Variants in CASP5 observed in about 807,000 individuals in gnomAD.
CASP5 encodes caspase-5.
Under a neutral mutation model 45.2 loss-of-function variants are expected in CASP5, and 42 were observed. The observed-to-expected ratio is 0.93, with a 90% CI of 0.73 to 1.20. The LOEUF (loss-of-function observed/expected upper bound fraction) is 1.20. Ranked by LOEUF, CASP5 falls within the 50% of genes most tolerant of loss-of-function variation. The pLI is 0.00. For synonymous variants in CASP5, 209 were observed against 186.2 expected (o/e 1.12, Z -1.00); for missense variants, 512 against 532.2 (o/e 0.96, Z 0.37).
chr11:105,002,290 A>G lies in CASP5; in HGVS notation c.544-89T>C, dbSNP rs375213699. ...CACAATTTTGCTTTTTTAAGACCTC[A>G]TGCAGCTGCCACCTTCCCTAACCTC... On this transcript the variant is annotated intron_variant, in intron 4 of 9. Coordinates refer to ENST00000260315, the MANE Select transcript of CASP5 (RefSeq NM_004347.5). 40 of 1,054,312 alleles carry G rather than the reference A, an allele frequency of 3.8e-5. No individual in the cohort carries two copies. In the East Asian group the frequency reaches 9.3e-4, roughly 24 times the overall value. The allele number at this position is 1,054,312 out of a possible 1,614,324, so 65.3% of individuals were successfully genotyped here.
chr11:105,003,245 T>G, intron 4 of CASP5, 29 bp downstream of exon 4: 1 of 1,279,292 alleles, frequency 7.8e-7, no homozygotes, highest in Non-Finnish European at 1.1e-6. Flanking sequence ...TTCTCTCTTC[T>G]TCCCCATTTC....
intron 1 of CASP5, 138 bp from the exon 2 acceptor site, chr11:105,009,118 T>A: frequency 1.4e-6 from 1 of 726,614 alleles, no homozygotes; most frequent in Non-Finnish European, 2.2e-6. Context: ...ATACTCATTA[T>A]TTCTTTGTAC....
chr11:105,000,134 T>G, intron 6 of CASP5, 127 bp downstream of exon 6: 1 of 972,128 alleles, frequency 1.0e-6, no homozygotes, highest in Non-Finnish European at 1.6e-6. Context: ...GTAGAGTTTC[T>G]TCATAATTCA....
At chr11:105,009,590 G>A (rs75045852) in intron 1 of CASP5, among the ~76,000 whole-genome samples, 87 of 150,198 alleles carry the variant, frequency 5.8e-4, no homozygotes, top group Middle Eastern at 3.4e-3. Flanking sequence ...ATTCTTCAGC[G>A]CCTTTTCTCA....
intron 1 of CASP5, among the ~76,000 whole-genome samples, chr11:105,011,596 A>G (rs1862347205): frequency 6.6e-6 from 1 of 151,814 alleles, no homozygotes; most frequent in Non-Finnish European, 1.5e-5. Flanking sequence ...ACACAAATGC[A>G]GTAAAGTTGA....
At chr11:105,023,063 G>T in intron 1 of CASP5, 67 bp downstream of exon 1, 1 of 1,436,748 alleles carries the variant, frequency 7.0e-7, no homozygotes, top group Non-Finnish European at 9.6e-7. Context: ...CTGTCACATA[G>T]CAATAAATCA....
At chr11:105,017,839 C>A in intron 1 of CASP5, among the ~76,000 whole-genome samples, 1 of 150,960 alleles carries the variant, frequency 6.6e-6, no homozygotes, top group South Asian at 2.1e-4. Context: ...AGAGCAACTC[C>A]AAGACACATA....
chr11:105,015,836 G>GAGAT (rs1370186790), intron 1 of CASP5, among the ~76,000 whole-genome samples: 1 of 152,120 alleles, frequency 6.6e-6, no homozygotes, highest in Non-Finnish European at 1.5e-5. Context: ...GTAAACCTTG[G>GAGAT]AGATAATTAA....
In CASP5 at chr11:105,009,718, CACATAT is replaced by C. The variant is rs1187554426; in HGVS notation, c.8-744_8-739del. Among the ~76,000 whole-genome samples the C allele has an allele frequency of 7.3e-3, 608 of 83,544 alleles. 8 individuals are homozygous for C. Among genetic ancestry groups the C allele is most frequent in the African/African-American group, 0.015 (256 of 16,962 alleles). The allele number at this position is 83,544 out of a possible 152,430, so 54.8% of individuals were successfully genotyped here. ...TTTTACCAGGAGATATATATATACA[CACATAT>C]ATATATATATATATATATATATATA... On this transcript the variant is annotated intron_variant, in intron 1 of 9. Transcript: ENST00000260315.
chr11:105,009,045 G>A, intron 1 of CASP5, 65 bp from the exon 2 acceptor site: 1 of 1,458,738 alleles, frequency 6.9e-7, no homozygotes, highest in Non-Finnish European at 9.5e-7. Context: ...CCTTGCTTTA[G>A]ACAAAGCTCT....
rs569188282 is a variant in CASP5, at chr11:104,998,104, T to C, written c.1097-612A>G. Among the ~76,000 whole-genome samples the C allele has an allele frequency of 1.2e-4, 18 of 152,296 alleles. No individual in the cohort carries two copies. In the South Asian group the frequency reaches 2.9e-3, roughly 25 times the overall value. On this transcript the variant is annotated intron_variant, in intron 7 of 9. Transcript: ENST00000260315. ...TCCTTATCACACCCTTGCAGAATGA[T>C]GATAATAATAAATAGAGAGCTGGAG...
intron 1 of CASP5, among the ~76,000 whole-genome samples, chr11:105,017,297 G>C (rs1160741188): frequency 6.6e-6 from 1 of 152,242 alleles, no homozygotes; most frequent in Non-Finnish European, 1.5e-5. Flanking sequence ...ACGGAACAAA[G>C]CTGGATGGAG....
intron 1 of CASP5, among the ~76,000 whole-genome samples, chr11:105,011,048 A>T (rs923828415): frequency 1.4e-4 from 22 of 151,874 alleles, no homozygotes; most frequent in Admixed American, 1.4e-3. Flanking sequence ...GAACTCAGAA[A>T]AGATGAGAAA....
At position 105,021,055 on chromosome 11, in the gene CASP5, C is replaced by G. The variant is rs980575239; in HGVS notation, c.7+2075G>C. On this transcript the variant is annotated intron_variant, in intron 1 of 9. Coordinates refer to ENST00000260315, the MANE Select transcript of CASP5 (RefSeq NM_004347.5). ...ACAAACCTGAGACAAACAAGCAATG[C>G]GGAAAGGATTCCCTATTTAATAAAT... Among the ~76,000 whole-genome samples the G allele has an allele frequency of 3.9e-3, 587 of 151,988 alleles. 5 individuals are homozygous for G. Among genetic ancestry groups the G allele is most frequent in the African/African-American group, 0.011 (457 of 41,458 alleles).
rs1591166553 is a variant in CASP5, at chr11:105,009,179, T to G, written c.8-199A>C. On this transcript the variant is annotated intron_variant, in intron 1 of 9. Coordinates refer to ENST00000260315, the MANE Select transcript of CASP5 (RefSeq NM_004347.5). ...TTCCTACCAGGCTGTGTTTAACAAT[T>G]CATTGCCACTTAAGTTTGTTTTTTA... is the stretch of plus-strand genomic sequence containing the variant. The G allele has an allele frequency of 6.7e-6, 4 of 597,530 alleles. No homozygotes were observed. The East Asian group carries it at 1.1e-4, about 17-fold the overall frequency. 37.0% of individuals were successfully genotyped at this position (597,530 alleles called of 1,614,324 possible). A position where few individuals can be genotyped will look rare whatever the true frequency, so the allele number is the denominator to read the frequency against.
At chr11:105,002,844 A>G (rs1016607208) in intron 4 of CASP5, among the ~76,000 whole-genome samples, 1 of 152,170 alleles carries the variant, frequency 6.6e-6, no homozygotes, top group African/African-American at 2.4e-5. Flanking sequence ...TGCCTGCTGA[A>G]AGCATCTATC....
At chr11:104,997,883 C>T (rs1480066770) in intron 7 of CASP5, among the ~76,000 whole-genome samples, 1 of 152,112 alleles carries the variant, frequency 6.6e-6, no homozygotes, top group Admixed American at 6.5e-5. Flanking sequence ...AAAAAACTAC[C>T]GTCGGGCTCC....
intron 2 of CASP5, among the ~76,000 whole-genome samples, chr11:105,007,928 TA>T (rs141269480): frequency 5.5e-4 from 84 of 152,282 alleles, no homozygotes; most frequent in African/African-American, 1.9e-3. Flanking sequence ...CCCAGAGTCC[TA>T]ATTTTTTAGC....
At chr11:104,994,520 A>G (rs761370259) in intron 9 of CASP5, among the ~76,000 whole-genome samples, 173 bp from the exon 10 acceptor site, 8 of 152,208 alleles carry the variant, frequency 5.3e-5, no homozygotes, top group Non-Finnish European at 1.0e-4. Context: ...ATATCTTTGT[A>G]AAACCTAAGT....
Sources: allele counts gnomAD v4.1 joint callset (sites outside exome capture counted in the v4.1 genomes callset), GRCh38; gene constraint gnomAD v4.1.1; transcripts MANE v1.5; gene names NCBI Gene and HGNC (gene_info 2026-07-23, HGNC 2026-07-21).